The following NSDHL variants were observed in gnomAD, a reference collection of about 807,000 sequenced individuals.
NSDHL encodes sterol-4-alpha-carboxylate 3-dehydrogenase, decarboxylating.
Under a neutral mutation model 23.0 loss-of-function variants are expected in NSDHL, and 1 was observed. The observed-to-expected ratio is 0.04, with a 90% CI of 0.02 to 0.21. The LOEUF is 0.21. NSDHL is among the 10% of genes least tolerant of loss of function. The pLI is 1.00. For synonymous variants in NSDHL, 128 were observed against 121.1 expected, an observed-to-expected ratio of 1.06 and a Z score of -0.37; for missense variants, 237 against 300.9, an observed-to-expected ratio of 0.79 and a Z score of 1.57.
At chrX:152,857,099 A>G (rs1360336146) in intron 3 of NSDHL, among the ~76,000 whole-genome samples, 4 of 112,016 alleles carry the variant, frequency 3.6e-5, no homozygotes, top group South Asian at 3.7e-4. Context: ...GAAAATAACA[A>G]TTGGGGTCAG....
chrX:152,837,920 C>G (rs1465172882), intron 1 of NSDHL, among the ~76,000 whole-genome samples: 1 of 111,392 alleles, frequency 9.0e-6, no homozygotes, highest in Non-Finnish European at 1.9e-5. Flanking sequence ...TGAATCCGTC[C>G]GGTCCTGGCC....
chrX:152,846,181 TA>T, intron 1 of NSDHL, 100 bp from the exon 2 acceptor site: 1 of 529,320 alleles, frequency 1.9e-6, no homozygotes, highest in Non-Finnish European at 3.4e-6. Context: ...CAGCTATTTG[TA>T]AAAACATGAA....
chrX:152,868,120 G>T (rs918822949), intron 7 of NSDHL, among the ~76,000 whole-genome samples: 1 of 109,775 alleles, frequency 9.1e-6, no homozygotes, highest in Admixed American at 9.7e-5. Context: ...GTTGGGAATA[G>T]GGTGGGTGTG....
intron 5 of NSDHL, 126 bp downstream of exon 5, chrX:152,862,850 G>A (rs1933548959): frequency 7.0e-6 from 5 of 714,512 alleles, no homozygotes; most frequent in Non-Finnish European, 1.1e-5. Flanking sequence ...AAAATTTGTG[G>A]GTGAAATTAA....
intron 1 of NSDHL, 87 bp from the exon 2 acceptor site, chrX:152,846,195 G>A (rs1303602903): frequency 1.8e-6 from 1 of 552,973 alleles, no homozygotes; most frequent in Non-Finnish European, 3.3e-6. Flanking sequence ...AACATGAACG[G>A]GGGGATGGCA....
At chrX:152,838,680 T>G (rs1248249559) in intron 1 of NSDHL, among the ~76,000 whole-genome samples, 1 of 112,355 alleles carries the variant, frequency 8.9e-6, no homozygotes, top group African/African-American at 3.2e-5. Flanking sequence ...TTGTGCTTTC[T>G]GTTCTTTTAC....
chrX:152,832,516 A>G (rs1556843540), intron 1 of NSDHL, among the ~76,000 whole-genome samples: 1 of 111,750 alleles, frequency 8.9e-6, no homozygotes, highest in Non-Finnish European at 1.9e-5. Flanking sequence ...GGCCCTGGTC[A>G]GGGCATCTCC....
intron 1 of NSDHL, among the ~76,000 whole-genome samples, chrX:152,841,027 C>G (rs1372537726): frequency 8.9e-6 from 1 of 112,939 alleles, no homozygotes; most frequent in Admixed American, 9.3e-5. Flanking sequence ...ACGCCCCTCC[C>G]CCTCCAGGCT....
At chrX:152,847,225 C>T (rs1393864704) in intron 2 of NSDHL, among the ~76,000 whole-genome samples, 1 of 112,039 alleles carries the variant, frequency 8.9e-6, no homozygotes, top group Admixed American at 9.5e-5. Context: ...ATCACTTGAA[C>T]CCAGGAGGTG....
intron 1 of NSDHL, among the ~76,000 whole-genome samples, chrX:152,833,022 G>A (rs1016710874): frequency 9.0e-6 from 1 of 111,200 alleles, no homozygotes; most frequent in Admixed American, 9.5e-5. Context: ...CAGGAAGACC[G>A]TGAGGATGGA....
chrX:152,867,048 C>T (rs1465753878), intron 6 of NSDHL, among the ~76,000 whole-genome samples: 1 of 111,767 alleles, frequency 8.9e-6, no homozygotes, highest in Non-Finnish European at 1.9e-5. Context: ...GTGGAGGGGC[C>T]TCCACAGGGG....
chrX:152,837,156 A>G (rs1933110896), intron 1 of NSDHL, among the ~76,000 whole-genome samples: 1 of 112,301 alleles, frequency 8.9e-6, no homozygotes, highest in Admixed American at 9.4e-5. Flanking sequence ...TTGATTTGGT[A>G]TCCTGAGACT....
rs183620472 is a variant in NSDHL at position 152,834,949 on chromosome X, A to G, written c.-44+3832A>G. On this transcript the variant is annotated intron_variant, in intron 1 of 7. Transcript: ENST00000370274. Reference sequence around the variant, plus strand: ...AGCTTCCTGCACTGGACCTTGTGCAAGGGTGGGGCTCCGACAACCTTTCCC... The same window carrying G: ...AGCTTCCTGCACTGGACCTTGTGCAGGGGTGGGGCTCCGACAACCTTTCCC... Among the ~76,000 whole-genome samples the G allele has an allele frequency of 9.0e-3, 1,007 of 111,918 alleles. 11 individuals are homozygous for G. Among genetic ancestry groups the G allele is most frequent in the African/African-American group, 0.031 (946 of 30,971 alleles).
chrX:152,855,801 A>C (rs1933436251), intron 3 of NSDHL, among the ~76,000 whole-genome samples: 1 of 112,380 alleles, frequency 8.9e-6, no homozygotes, highest in Admixed American at 9.5e-5. Flanking sequence ...ATATCATTTT[A>C]TCTGCAAATA....
At chrX:152,831,564 GATGTGAGCGAGC>G (rs1400334320) in intron 1 of NSDHL, 1 of 117,244 alleles carries the variant, frequency 8.5e-6, no homozygotes, top group Non-Finnish European at 1.7e-5. Flanking sequence ...GAGTGAGGGG[GATGTGAGCGAGC>G]ATGAGGGGCG....
Position 152,865,931 on chromosome X carries a change from C to T in NSDHL, c.656C>T (p.Ala219Val), listed in dbSNP as rs781847895. The change falls in exon 6 of 8, where the codon GCC becomes GTC. Residue 219 changes from alanine to valine, a missense_variant. Around this residue, in one of 3 missense-constraint regions of NSDHL, gnomAD observed 39 missense variants for 98.1 expected, o/e 0.40. Coordinates refer to ENST00000370274, the MANE Select transcript of NSDHL (RefSeq NM_015922.3). ...PQLVPILIEA[A>V]RNGKMKFVIG... ...TTGGTACCCATCCTCATCGAGGCAGCCAGGAACGGCAAGATGAAGTTCGTG... is the reference window on the plus strand; with the variant it reads ...TTGGTACCCATCCTCATCGAGGCAGTCAGGAACGGCAAGATGAAGTTCGTG... 5.0e-6 allele frequency: 6 copies of T among 1,211,044 alleles called. No individual in the cohort carries two copies. The Admixed American group carries it at 1.3e-4, about 26-fold the overall frequency.
intron 3 of NSDHL, among the ~76,000 whole-genome samples, chrX:152,856,212 G>T (rs1377196048): frequency 8.9e-6 from 1 of 111,978 alleles, no homozygotes; most frequent in Admixed American, 9.5e-5. Flanking sequence ...CATTAGCCAC[G>T]TGCAACTATT....
At chrX:152,845,501 C>T (rs1043904234) in intron 1 of NSDHL, among the ~76,000 whole-genome samples, 1 of 111,257 alleles carries the variant, frequency 9.0e-6, no homozygotes, top group Non-Finnish European at 1.9e-5. Context: ...GTTTGCAGTT[C>T]AGTATCATGG....
At chrX:152,866,382 C>T (rs1021606767) in intron 6 of NSDHL, among the ~76,000 whole-genome samples, 8 of 112,940 alleles carry the variant, frequency 7.1e-5, no homozygotes, top group African/African-American at 2.6e-4. Context: ...ATGAATGTTG[C>T]GGGGATGCAA....
Sources: gnomAD v4.1 joint callset for allele counts (sites outside exome capture counted in the v4.1 genomes callset) on GRCh38, gnomAD v4.1.1 for gene constraint, gnomAD v4.1.1 regional missense constraint, MANE v1.5 for transcripts, NCBI Gene and HGNC (gene_info 2026-07-23, HGNC 2026-07-21) for gene names.